DCPH1: variants seen among roughly 807,000 people sequenced by gnomAD.
The protein encoded by DCPH1 is damage control phosphatase 1, also known as damage-control phosphatase 1.
chr6:151,458,587 A>G, the DCPH1 span: 5 of 1,569,924 alleles, frequency 3.2e-6, no homozygotes, highest in Admixed American at 3.7e-5. Flanking sequence ...GTGTGTAATC[A>G]TCAACTATCA....
chr6:151,465,178 T>G, the DCPH1 span, among the ~76,000 whole-genome samples: 16 of 152,360 alleles, frequency 1.1e-4, 1 homozygote, highest in Admixed American at 5.2e-4. Flanking sequence ...TAATACAGTT[T>G]CATTACATTT....
chr6:151,458,615 T>C, the DCPH1 span: 1 of 1,493,446 alleles, frequency 6.7e-7, no homozygotes, highest in Non-Finnish European at 9.0e-7. Context: ...AGATAATTTA[T>C]ACTTTTTCTG....
the DCPH1 span, among the ~76,000 whole-genome samples, chr6:151,457,297 G>A: frequency 1.3e-5 from 2 of 152,196 alleles, no homozygotes; most frequent in African/African-American, 2.4e-5. Context: ...GGCACATACA[G>A]GGTTCAGTAA....
chr6:151,455,731 C>T, the DCPH1 span, among the ~76,000 whole-genome samples: 3 of 151,402 alleles, frequency 2.0e-5, no homozygotes, highest in East Asian at 4.0e-4. Context: ...CTTCCTCTTA[C>T]ACTAATCCTC....
At chr6:151,467,273 A>G in the DCPH1 span, among the ~76,000 whole-genome samples, 2 of 148,820 alleles carry the variant, frequency 1.3e-5, no homozygotes, top group East Asian at 3.9e-4. Context: ...ACAAAACCCT[A>G]TTGGTTGGAA....
the DCPH1 span, among the ~76,000 whole-genome samples, chr6:151,467,619 A>G: frequency 6.6e-6 from 1 of 152,170 alleles, no homozygotes; most frequent in Admixed American, 6.5e-5. Context: ...AGCTTAAGTA[A>G]TTTGTTGATG....
chr6:151,454,551 A>G, the DCPH1 span: 5 of 1,411,954 alleles, frequency 3.5e-6, no homozygotes, highest in South Asian at 3.6e-5. Context: ...TTTCTAGATC[A>G]TTTGCATATC....
At chr6:151,452,530 G>C in the DCPH1 span, 1 of 1,611,174 alleles carries the variant, frequency 6.2e-7, no homozygotes, top group Non-Finnish European at 8.5e-7. Context: ...CTTTGCGGCC[G>C]GGATCGCGGA....
chr6:151,454,307 T>G, the DCPH1 span, among the ~76,000 whole-genome samples: 1 of 152,214 alleles, frequency 6.6e-6, no homozygotes, highest in African/African-American at 2.4e-5. Flanking sequence ...ATAAGAATGA[T>G]TAAACAGACT....
At chr6:151,468,729 T>C in the DCPH1 span, 2 of 1,614,076 alleles carry the variant, frequency 1.2e-6, no homozygotes, top group African/African-American at 2.7e-5. Context: ...TGTCCAAGTG[T>C]GGGGCTGACT....
At chr6:151,464,455 C>A in the DCPH1 span, 1 of 1,599,404 alleles carries the variant, frequency 6.3e-7, no homozygotes, top group South Asian at 1.1e-5. Flanking sequence ...TACTTTAGTC[C>A]ACCAATCGAT....
the DCPH1 span, among the ~76,000 whole-genome samples, chr6:151,461,805 A>T: frequency 1.3e-5 from 2 of 152,238 alleles, no homozygotes; most frequent in African/African-American, 4.8e-5. Context: ...GGTTCAGCGA[A>T]CAGATTGTTA....
At chr6:151,458,238 T>A in the DCPH1 span, 1 of 1,476,198 alleles carries the variant, frequency 6.8e-7, no homozygotes, top group Non-Finnish European at 9.0e-7. Flanking sequence ...ACATTTTTCT[T>A]TTCTTCTTAA....
chr6:151,458,454 C>T, the DCPH1 span: 1 of 1,613,420 alleles, frequency 6.2e-7, no homozygotes, highest in African/African-American at 1.3e-5. Flanking sequence ...GAATCAGTAC[C>T]TAGAATATCA....
At chr6:151,455,760 C>CGGGTGTCGGGCTGGG in the DCPH1 span, among the ~76,000 whole-genome samples, 4 of 152,136 alleles carry the variant, frequency 2.6e-5, no homozygotes, top group African/African-American at 4.8e-5. Context: ...AGACCCTTTA[C>CGGGTGTCGGGCTGGG]GGGTGTCGGG....
the DCPH1 span, among the ~76,000 whole-genome samples, chr6:151,456,058 A>G: frequency 6.6e-6 from 1 of 152,210 alleles, no homozygotes; most frequent in Non-Finnish European, 1.5e-5. Flanking sequence ...GTTGGGGGTA[A>G]GGTTATAGAT....
chr6:151,469,249 G>C, the DCPH1 span: 28 of 611,882 alleles, frequency 4.6e-5, no homozygotes, highest in Admixed American at 8.0e-4. Context: ...CCATCTACGT[G>C]CACTGGATGA....
the DCPH1 span, chr6:151,458,468 G>T: frequency 6.2e-7 from 1 of 1,613,284 alleles, no homozygotes; most frequent in South Asian, 1.1e-5. Flanking sequence ...AATATCAACA[G>T]AGTCTTTTAA....
chr6:151,455,841 G>C, the DCPH1 span, among the ~76,000 whole-genome samples: 12 of 152,272 alleles, frequency 7.9e-5, no homozygotes, highest in African/African-American at 2.9e-4. Context: ...AGAAACCTTG[G>C]ACAATACCTG....
Sources: allele counts gnomAD v4.1 joint callset (sites outside exome capture counted in the v4.1 genomes callset), GRCh38; gene constraint gnomAD v4.1.1; transcripts MANE v1.5; gene names NCBI Gene and HGNC (gene_info 2026-07-23, HGNC 2026-07-21).